Variants in HCRTR2 observed in about 807,000 individuals in gnomAD.
HCRTR2 encodes orexin receptor type 2.
In HCRTR2, 22 loss-of-function variants were observed where a neutral mutation model predicts 49.0. The ratio of observed to expected loss-of-function variants is 0.45; its 90% CI spans 0.32 to 0.64. The LOEUF (loss-of-function observed/expected upper bound fraction) is 0.64, where lower values mean the gene tolerates loss of function less well. HCRTR2 is among the 30% of genes least tolerant of loss of function. The pLI, the probability that HCRTR2 is intolerant of heterozygous loss-of-function variation, is 0.04. For synonymous variants in HCRTR2, 236 were observed against 205.3 expected (o/e 1.15, Z -1.28); for missense variants, 491 against 559.4 (o/e 0.88, Z 1.23).
chr6:55,146,579 T>TA (rs10684393), intron 1 of HCRTR2, among the ~76,000 whole-genome samples: 10,244 of 142,184 alleles, frequency 0.072, 524 homozygotes, highest in African/African-American at 0.14. Context: ...AAAGGTTAGT[T>TA]AAAAAAAAAA....
intron 3 of HCRTR2, among the ~76,000 whole-genome samples, chr6:55,256,292 G>GT (rs1304462621): frequency 3.9e-5 from 6 of 152,022 alleles, no homozygotes; most frequent in East Asian, 1.9e-4. Context: ...TGTTAACATT[G>GT]TTTTTTATTA....
upstream of HCRTR2, among the ~76,000 whole-genome samples, chr6:55,170,010 A>T (rs1013536851): frequency 6.6e-6 from 1 of 151,578 alleles, no homozygotes. Context: ...GGGACAGCCC[A>T]TATATGAGAT....
intron 1 of HCRTR2, among the ~76,000 whole-genome samples, chr6:55,120,454 G>T (rs927771299): frequency 1.3e-4 from 19 of 151,944 alleles, no homozygotes; most frequent in African/African-American, 4.1e-4. Context: ...TGCAGTTCTC[G>T]TTGAAGAAGT....
chr6:55,153,261 G>A (rs1764686718), intron 1 of HCRTR2, among the ~76,000 whole-genome samples: 1 of 151,952 alleles, frequency 6.6e-6, no homozygotes, highest in Non-Finnish European at 1.5e-5. Flanking sequence ...TACATTCTGA[G>A]AAATGCATTA....
At chr6:55,284,651 T>C (rs187581483), downstream of HCRTR2, among the ~76,000 whole-genome samples, 17 of 152,060 alleles carry the variant, frequency 1.1e-4, no homozygotes, top group Admixed American at 9.8e-4. Flanking sequence ...ATGTTGACTC[T>C]CACTCATGTC....
chr6:55,195,841 G>T (rs1012809005), intron 1 of HCRTR2, among the ~76,000 whole-genome samples: 3 of 151,984 alleles, frequency 2.0e-5, no homozygotes, highest in Non-Finnish European at 4.4e-5. Flanking sequence ...GGTGGTGGGT[G>T]CCTGTAGTCC....
intron 4 of HCRTR2, among the ~76,000 whole-genome samples, chr6:55,272,763 T>A (rs1170074232): frequency 6.6e-6 from 1 of 151,924 alleles, no homozygotes. Flanking sequence ...TCTATAGACT[T>A]TAAAATGGTC....
At chr6:55,178,699 T>C (rs1180207787) in intron 1 of HCRTR2, among the ~76,000 whole-genome samples, 1 of 152,200 alleles carries the variant, frequency 6.6e-6, no homozygotes, top group Non-Finnish European at 1.5e-5. Context: ...CTAAAAGGTG[T>C]GAATAAAATG....
At chr6:55,251,830 C>T (rs1383201604) in intron 2 of HCRTR2, among the ~76,000 whole-genome samples, 1 of 151,964 alleles carries the variant, frequency 6.6e-6, no homozygotes, top group Non-Finnish European at 1.5e-5. Flanking sequence ...AGGTCAAAGA[C>T]CAAGTACCTG....
chr6:55,159,844 G>C (rs1764780891), intron 1 of HCRTR2, among the ~76,000 whole-genome samples: 1 of 152,180 alleles, frequency 6.6e-6, no homozygotes, highest in Non-Finnish European at 1.5e-5. Flanking sequence ...TATGTGAAAA[G>C]ACTAAACCTA....
At chr6:55,258,121 G>C (rs1414642910) in intron 3 of HCRTR2, among the ~76,000 whole-genome samples, 1 of 151,916 alleles carries the variant, frequency 6.6e-6, no homozygotes, top group East Asian at 1.9e-4. Flanking sequence ...AAAACCATAG[G>C]AAAGTATATT....
intron 1 of HCRTR2, among the ~76,000 whole-genome samples, chr6:55,193,481 C>A (rs183008715): frequency 1.3e-5 from 2 of 151,280 alleles, no homozygotes; most frequent in African/African-American, 2.4e-5. Context: ...ATCCACAGAA[C>A]GACAAAGAAA....
At chr6:55,241,438 T>C (rs908993587) in intron 1 of HCRTR2, among the ~76,000 whole-genome samples, 17 of 152,272 alleles carry the variant, frequency 1.1e-4, no homozygotes, top group African/African-American at 4.1e-4. Context: ...GGAACTACAG[T>C]ATATTTTTCC....
intron 1 of HCRTR2, among the ~76,000 whole-genome samples, chr6:55,247,451 A>G (rs763916459): frequency 2.0e-5 from 3 of 152,132 alleles, no homozygotes; most frequent in Non-Finnish European, 4.4e-5. Context: ...ATCCTCATTC[A>G]GTGATTCAAA....
intron 1 of HCRTR2, among the ~76,000 whole-genome samples, chr6:55,124,563 A>G (rs7758812): frequency 1 from 152,246 of 152,284 alleles, 76,104 homozygotes; most frequent in Non-Finnish European, 1. Context: ...AGTGTGATGA[A>G]TTGCTGAGAA....
At chr6:55,122,781 G>T (rs982576900) in intron 1 of HCRTR2, among the ~76,000 whole-genome samples, 1 of 152,120 alleles carries the variant, frequency 6.6e-6, no homozygotes, top group South Asian at 2.1e-4. Context: ...GGAATACTAT[G>T]CAGCCATAAA....
chr6:55,135,122 G>A (rs1365933113), intron 1 of HCRTR2, among the ~76,000 whole-genome samples: 1 of 152,034 alleles, frequency 6.6e-6, no homozygotes, highest in Non-Finnish European at 1.5e-5. Flanking sequence ...AATGGCAACA[G>A]AAAGTGAATG....
Position 55,240,266 on chromosome 6 carries a change from G to C in HCRTR2, c.224-8373G>C, listed in dbSNP as rs181693504. On this transcript the variant is annotated intron_variant, in intron 1 of 6. Coordinates refer to ENST00000370862, the MANE Select transcript of HCRTR2 (RefSeq NM_001384272.1). ...CCAGCTACTCAGGAGGCTGAGGCAGGAGAATGGCGTGAACCCGGGAGGCGG... is the reference window on the plus strand; with the variant it reads ...CCAGCTACTCAGGAGGCTGAGGCAGCAGAATGGCGTGAACCCGGGAGGCGG... Among the ~76,000 whole-genome samples the C allele has an allele frequency of 1.2e-3, 174 of 146,604 alleles. 1 individual carries two copies. Among genetic ancestry groups the C allele is most frequent in the Non-Finnish European group, 2.1e-3 (140 of 67,222 alleles).
At chr6:55,127,394 G>A (rs1764296714) in intron 1 of HCRTR2, among the ~76,000 whole-genome samples, 1 of 151,994 alleles carries the variant, frequency 6.6e-6, no homozygotes, top group Non-Finnish European at 1.5e-5. Context: ...GCCCTCCAAA[G>A]CATTCACTGT....
Sources: gnomAD v4.1 joint callset for allele counts (sites outside exome capture counted in the v4.1 genomes callset) on GRCh38, gnomAD v4.1.1 for gene constraint, MANE v1.5 for transcripts, NCBI Gene and HGNC (gene_info 2026-07-23, HGNC 2026-07-21) for gene names.